Variants in ZFAND3 observed in about 807,000 individuals in gnomAD.
The protein encoded by ZFAND3 is AN1-type zinc finger protein 3.
Under a neutral mutation model 29.6 loss-of-function variants are expected in ZFAND3, and 10 were observed. The observed-to-expected ratio is 0.34, with a 90% CI of 0.21 to 0.57. ZFAND3 has a LOEUF of 0.57. Among genes scored for constraint, ZFAND3 ranks in the 20% least tolerant of loss-of-function variants. ZFAND3 has a pLI of 0.86. For missense variants in ZFAND3, 230 were observed against 304.5 expected (o/e 0.76, Z 1.82); for synonymous variants, 128 against 112.6 (o/e 1.14, Z -0.87).
intron 1 of ZFAND3, among the ~76,000 whole-genome samples, chr6:37,865,613 A>T (rs1472056786): frequency 6.6e-6 from 1 of 152,250 alleles, no homozygotes; most frequent in South Asian, 2.1e-4. Context: ...CATGCATTGC[A>T]ACATCTGTGA....
At chr6:37,957,162 T>TTAA (rs1232737522) in intron 2 of ZFAND3, among the ~76,000 whole-genome samples, 7 of 152,230 alleles carry the variant, frequency 4.6e-5, no homozygotes, top group African/African-American at 1.7e-4. Flanking sequence ...TGTCCATGTG[T>TTAA]TAAGCAAGTT....
chr6:37,965,843 C>T (rs1762282710), intron 2 of ZFAND3, among the ~76,000 whole-genome samples: 1 of 152,156 alleles, frequency 6.6e-6, no homozygotes, highest in Non-Finnish European at 1.5e-5. Context: ...CTCACTTCAG[C>T]CTCGGCCTCC....
chr6:38,031,811 T>G (rs1040570318), intron 2 of ZFAND3, among the ~76,000 whole-genome samples: 1 of 152,104 alleles, frequency 6.6e-6, no homozygotes, highest in African/African-American at 2.4e-5. Context: ...AGACTCCAAC[T>G]TACAGTTTCA....
intron 3 of ZFAND3, among the ~76,000 whole-genome samples, chr6:38,075,420 C>T (rs1329095897): frequency 1.3e-5 from 2 of 152,116 alleles, no homozygotes; most frequent in Non-Finnish European, 2.9e-5. Flanking sequence ...GTGGAAATCA[C>T]AAGAGGAGTA....
At chr6:37,948,036 A>G (rs1417488779) in intron 2 of ZFAND3, among the ~76,000 whole-genome samples, 1 of 152,146 alleles carries the variant, frequency 6.6e-6, no homozygotes, top group Non-Finnish European at 1.5e-5. Flanking sequence ...TACGTCTTGG[A>G]AAATGTTTTG....
At chr6:37,973,617 C>CTAT (rs1762427859) in intron 2 of ZFAND3, among the ~76,000 whole-genome samples, 1 of 152,176 alleles carries the variant, frequency 6.6e-6, no homozygotes, top group Non-Finnish European at 1.5e-5. Context: ...CCACATGTGT[C>CTAT]TATTGCTTTC....
chr6:37,905,186 ATGTCC>A (rs2127402301), intron 1 of ZFAND3, among the ~76,000 whole-genome samples: 1 of 152,268 alleles, frequency 6.6e-6, no homozygotes, highest in African/African-American at 2.4e-5. Flanking sequence ...ACTGGCTTGT[ATGTCC>A]TGTTTGACAA....
At chr6:38,078,899 G>T (rs768337044) in intron 3 of ZFAND3, among the ~76,000 whole-genome samples, 3 of 152,118 alleles carry the variant, frequency 2.0e-5, no homozygotes, top group Admixed American at 6.5e-5. Context: ...CACACTCTCC[G>T]GCATTAGAAA....
chr6:38,011,757 C>T (rs1356577765), intron 2 of ZFAND3, among the ~76,000 whole-genome samples: 1 of 152,034 alleles, frequency 6.6e-6, no homozygotes, highest in African/African-American at 2.4e-5. Context: ...TTGTCCAGAA[C>T]TCTATTACAC....
intron 1 of ZFAND3, among the ~76,000 whole-genome samples, chr6:37,860,307 T>C (rs1764462420): frequency 6.6e-6 from 1 of 151,764 alleles, no homozygotes; most frequent in Non-Finnish European, 1.5e-5. Context: ...TTAAAATGCA[T>C]GGCCTCCAGT....
chr6:37,902,851 C>T (rs752595344), intron 1 of ZFAND3, among the ~76,000 whole-genome samples: 1 of 148,506 alleles, frequency 6.7e-6, no homozygotes, highest in South Asian at 2.2e-4. Context: ...GTAGCTGGGA[C>T]TATATATAGG....
At position 38,153,371 on chromosome 6, in the gene ZFAND3, G is replaced by A. The variant is rs558468597; in HGVS notation, c.*982G>A. On this transcript the variant is annotated 3_prime_UTR_variant, in exon 6 of 6. Coordinates refer to ENST00000287218, the MANE Select transcript of ZFAND3 (RefSeq NM_021943.3). Reference sequence around the variant, plus strand: ...GGCTCTGCCCCTTCCAGCTGGAGCCGCCCGTGCCTCCAGGGGCCAAGAGGA... The same window carrying A: ...GGCTCTGCCCCTTCCAGCTGGAGCCACCCGTGCCTCCAGGGGCCAAGAGGA... 90 of 985,504 alleles carry A rather than the reference G, an allele frequency of 9.1e-5. No homozygotes were observed. The African/African-American group carries it at 1.4e-3, about 15-fold the overall frequency. 61.0% of individuals were successfully genotyped at this position (985,504 alleles called of 1,614,324 possible).
Position 38,144,223 on chromosome 6 carries a change from A to T in ZFAND3, c.530-8012A>T, listed in dbSNP as rs1238358390. 1.7e-3 allele frequency among the ~76,000 whole-genome samples: 120 copies of T among 69,624 alleles called. 1 individual carries two copies. The East Asian group carries it at 0.027, about 16-fold the overall frequency. 45.7% of individuals were successfully genotyped at this position (69,624 alleles called of 152,430 possible). A position where few individuals can be genotyped will look rare whatever the true frequency, so the allele number is the denominator to read the frequency against. On this transcript the variant is annotated intron_variant, in intron 5 of 5. Coordinates refer to ENST00000287218, the MANE Select transcript of ZFAND3 (RefSeq NM_021943.3). Reference sequence around the variant, plus strand: ...TATATATATATATAATATATAATATATATATATATTTTTTTTTTAATAAGG... The same window carrying T: ...TATATATATATATAATATATAATATTTATATATATTTTTTTTTTAATAAGG...
intron 3 of ZFAND3, 124 bp downstream of exon 3, chr6:38,061,899 C>A: frequency 1.7e-6 from 2 of 1,160,626 alleles, no homozygotes; most frequent in Non-Finnish European, 2.4e-6. Context: ...TGTCCACATA[C>A]AAGGCCCAAG....
rs1332544775 is a variant in ZFAND3 at position 38,154,022 on chromosome 6, C to T, written c.*1633C>T. On this transcript the variant is annotated 3_prime_UTR_variant, in exon 6 of 6. Transcript: ENST00000287218. ...AGGAAGTCATGCTCTTCCCACCCTCCACCCACCAGAGTGGAACCCGCTGCA... is the reference window on the plus strand; with the variant it reads ...AGGAAGTCATGCTCTTCCCACCCTCTACCCACCAGAGTGGAACCCGCTGCA... 6.1e-6 allele frequency: 6 copies of T among 985,390 alleles called. No homozygotes were observed. Among genetic ancestry groups the T allele is most frequent in the South Asian group, 4.7e-5 (1 of 21,296 alleles). The allele number at this position is 985,390 out of a possible 1,614,324, so 61.0% of individuals were successfully genotyped here.
chr6:38,131,073 A>G (rs554226698), intron 5 of ZFAND3, among the ~76,000 whole-genome samples: 2 of 152,194 alleles, frequency 1.3e-5, no homozygotes, highest in African/African-American at 4.8e-5. Context: ...CATCTCGTCT[A>G]GGTTTTTCTA....
intron 2 of ZFAND3, among the ~76,000 whole-genome samples, chr6:37,938,897 G>A (rs1371434112): frequency 6.6e-6 from 1 of 152,146 alleles, no homozygotes; most frequent in East Asian, 1.9e-4. Context: ...GTGACCATGT[G>A]TTAGAGTATG....
At chr6:37,993,803 G>T (rs1283246753) in intron 2 of ZFAND3, among the ~76,000 whole-genome samples, 1 of 151,804 alleles carries the variant, frequency 6.6e-6, no homozygotes, top group African/African-American at 2.4e-5. Context: ...GATCAAAATT[G>T]TCACGTGATA....
chr6:38,065,879 A>G lies in ZFAND3; in HGVS notation c.295+4104A>G, dbSNP rs544923035. Among the ~76,000 whole-genome samples, 7 of 152,370 alleles carry G rather than the reference A, an allele frequency of 4.6e-5. No individual in the cohort carries two copies. In the East Asian group the frequency reaches 1.3e-3, roughly 29 times the overall value. On this transcript the variant is annotated intron_variant, in intron 3 of 5. Transcript: ENST00000287218. ...TCAGTGGTTTGTATATTCATTTAGC[A>G]GTCTTTGCTGAGTGTCTGCTGTATG...
Sources: allele counts gnomAD v4.1 joint callset (sites outside exome capture counted in the v4.1 genomes callset), GRCh38; gene constraint gnomAD v4.1.1; transcripts MANE v1.5; gene names NCBI Gene and HGNC (gene_info 2026-07-23, HGNC 2026-07-21).